FMO5: variants seen among roughly 807,000 people sequenced by gnomAD.
FMO5 encodes the protein flavin containing dimethylaniline monoxygenase 5, also known as flavin-containing monooxygenase 5.
FMO5 carries 51 observed loss-of-function variants against 43.6 expected under a neutral mutation model. The observed-to-expected ratio is 1.17, with a 90% CI of 0.93 to 1.48. FMO5 has a LOEUF of 1.48. FMO5 is among the 40% of genes most tolerant of loss of function. The pLI, the probability that FMO5 is intolerant of heterozygous loss-of-function variation, is 0.00. For missense variants in FMO5, 644 were observed against 643.0 expected (o/e 1.00, Z -0.02); for synonymous variants, 187 against 216.5 (o/e 0.86, Z 1.20).
intron 2 of FMO5, among the ~76,000 whole-genome samples, chr1:147,217,531 T>C (rs1662228663): frequency 6.6e-6 from 1 of 152,274 alleles, no homozygotes; most frequent in Non-Finnish European, 1.5e-5. Context: ...TTGTTGTTTG[T>C]TGGCTTTGTC....
In FMO5 at chr1:147,214,087, C is replaced by T. The variant is rs368845150; in HGVS notation, c.325-617G>A. On this transcript the variant is annotated intron_variant, in intron 3 of 8. Transcript: ENST00000254090. The stretch of plus-strand genomic sequence containing the variant: ...TATAAAAAATAATAAATATGGGTTA[C>T]CCTACTTAGGTTAAGGAAACACTAT... Among the ~76,000 whole-genome samples the T allele has an allele frequency of 1.1e-4, 16 of 152,236 alleles. 2 individuals carry two copies. In the South Asian group the frequency reaches 1.2e-3, roughly 12 times the overall value.
chr1:147,197,643 G>A (rs587771441), intron 7 of FMO5, among the ~76,000 whole-genome samples: 1 of 152,216 alleles, frequency 6.6e-6, no homozygotes, highest in South Asian at 2.1e-4. Context: ...GCCACCCTGT[G>A]AAGAAGTTCC....
intron 3 of FMO5, among the ~76,000 whole-genome samples, chr1:147,214,466 C>CAA (rs11339668): frequency 0.058 from 8,530 of 148,272 alleles, 304 homozygotes; most frequent in African/African-American, 0.091. Flanking sequence ...AAACAAAAAA[C>CAA]AAAAAAAAAA....
intron 7 of FMO5, among the ~76,000 whole-genome samples, chr1:147,191,469 G>A (rs1290127591): frequency 6.6e-6 from 1 of 152,066 alleles, no homozygotes; most frequent in Non-Finnish European, 1.5e-5. Context: ...TTTTTTGGCT[G>A]CATAAATGTC....
intron 7 of FMO5, among the ~76,000 whole-genome samples, chr1:147,194,571 G>A (rs1657585629): frequency 6.6e-6 from 1 of 152,120 alleles, no homozygotes; most frequent in Non-Finnish European, 1.5e-5. Flanking sequence ...TGGTTATTTT[G>A]CTTGTTAGTT....
At chr1:147,224,732 G>T (rs1224593982) in intron 2 of FMO5, among the ~76,000 whole-genome samples, 163 bp downstream of exon 2, 1 of 152,012 alleles carries the variant, frequency 6.6e-6, no homozygotes, top group Admixed American at 6.5e-5. Context: ...GGATGGTCTC[G>T]ATCGCCTGAC....
chr1:147,202,902 TAAC>T (rs1345203797), intron 6 of FMO5, among the ~76,000 whole-genome samples: 7 of 152,124 alleles, frequency 4.6e-5, no homozygotes, highest in African/African-American at 1.7e-4. Context: ...TTTCTCCTCT[TAAC>T]ATCCCCAAGA....
downstream of FMO5, among the ~76,000 whole-genome samples, chr1:147,185,594 T>G (rs782272270): frequency 7.2e-5 from 11 of 152,210 alleles, no homozygotes; most frequent in East Asian, 1.9e-4. Flanking sequence ...AGTTCTCACA[T>G]TTCCAGTTCT....
rs587673087 is a variant in FMO5 at position 147,201,398 on chromosome 1, T to A, written c.937A>T (p.Ile313Leu). The A allele has an allele frequency of 1.2e-6, 2 of 1,614,194 alleles. No individual in the cohort carries two copies. The highest frequency in any genetic ancestry group is 2.2e-5 in the South Asian group (2 of 91,086). Reference sequence around the variant, plus strand: ...TCCTCCCTGGAGCCATCCTCAAATATGGCAGCTGTCTCCGTGAATTCCTTC... The same window carrying A: ...TCCTCCCTGGAGCCATCCTCAAATAAGGCAGCTGTCTCCGTGAATTCCTTC... ...NVKEFTETAA[I>L]FEDGSREDDI... Residue 313 changes from isoleucine to leucine, a missense_variant, in exon 7 of 9, where the codon ATA becomes TTA. By Grantham distance (5) the Ile-to-Leu change is conservative. Coordinates refer to ENST00000254090, the MANE Select transcript of FMO5 (RefSeq NM_001461.4).
intron 7 of FMO5, among the ~76,000 whole-genome samples, chr1:147,195,295 A>T (rs1559641939): frequency 6.6e-6 from 1 of 151,016 alleles, no homozygotes; most frequent in African/African-American, 2.4e-5. Flanking sequence ...AACCCAAATA[A>T]TTTTTTTTTG....
chr1:147,194,374 A>C (rs1657537267), intron 7 of FMO5, among the ~76,000 whole-genome samples: 1 of 151,998 alleles, frequency 6.6e-6, no homozygotes, highest in Admixed American at 6.5e-5. Flanking sequence ...ATCTTCCTCC[A>C]TCCCTTTATT....
At chr1:147,187,988 G>C (rs1278410255) in intron 8 of FMO5, among the ~76,000 whole-genome samples, 2 of 152,034 alleles carry the variant, frequency 1.3e-5, no homozygotes, top group African/African-American at 4.8e-5. Context: ...TGAGATTGAA[G>C]AATCCAAGAA....
intron 2 of FMO5, among the ~76,000 whole-genome samples, chr1:147,219,105 T>C (rs1662541543): frequency 6.6e-6 from 1 of 152,188 alleles, no homozygotes; most frequent in Non-Finnish European, 1.5e-5. Flanking sequence ...AGTTAATGAA[T>C]TATGGAAATT....
chr1:147,190,945 C>T (rs1383087081), intron 7 of FMO5, among the ~76,000 whole-genome samples: 4 of 151,860 alleles, frequency 2.6e-5, no homozygotes, highest in African/African-American at 9.7e-5. Context: ...TTGGTTTTTT[C>T]TCCTTGTGAT....
chr1:147,202,782 A>C (rs1469667280), intron 6 of FMO5, among the ~76,000 whole-genome samples: 1 of 152,076 alleles, frequency 6.6e-6, no homozygotes, highest in Non-Finnish European at 1.5e-5. Context: ...TCATGATTTC[A>C]TCTTTTTCTC....
At position 147,225,269 on chromosome 1, in the gene FMO5, T is replaced by C; in HGVS notation, c.-38+18A>G. On this transcript the variant is annotated intron_variant, in intron 1 of 8. Coordinates refer to ENST00000254090, the MANE Select transcript of FMO5 (RefSeq NM_001461.4). ...AGACCCAGAGCTGAGAGTGCTCTGC[T>C]GCGGTACCGGATCTCACCGCCTTTC... 9.4e-7 allele frequency: 1 copy of C among 1,068,750 alleles called. No individual in the cohort carries two copies. 66.2% of individuals were successfully genotyped at this position (1,068,750 alleles called of 1,614,324 possible).
chr1:147,216,553 T>C (rs1319078151), intron 2 of FMO5, among the ~76,000 whole-genome samples: 1 of 152,216 alleles, frequency 6.6e-6, no homozygotes, highest in African/African-American at 2.4e-5. Flanking sequence ...ATGAAACTCC[T>C]TGCAATTTAC....
intron 6 of FMO5, chr1:147,203,911 A>C: frequency 6.4e-7 from 1 of 1,552,282 alleles, no homozygotes; most frequent in East Asian, 2.2e-5. Context: ...CCATTTCTTC[A>C]AGGACAGGAG....
intron 7 of FMO5, 145 bp downstream of exon 7, chr1:147,201,007 C>T (rs1368807319): frequency 3.0e-6 from 2 of 660,244 alleles, no homozygotes; most frequent in Non-Finnish European, 5.1e-6. Flanking sequence ...TTTAGATTCA[C>T]TCAAAAATAT....
Sources: gnomAD v4.1 joint callset for allele counts (sites outside exome capture counted in the v4.1 genomes callset) on GRCh38, gnomAD v4.1.1 for gene constraint, MANE v1.5 for transcripts, NCBI Gene and HGNC (gene_info 2026-07-23, HGNC 2026-07-21) for gene names.